The following MEI4 variants were observed in gnomAD, a reference collection of about 807,000 sequenced individuals.
MEI4 encodes the protein meiosis-specific protein MEI4.
A neutral mutation model predicts 31.4 loss-of-function variants in MEI4; 27 were observed. That is an observed-to-expected ratio of 0.86 (90% CI 0.63 to 1.19). MEI4 has a LOEUF of 1.19. MEI4 is among the 50% of genes most tolerant of loss of function. The pLI, the probability that MEI4 is intolerant of heterozygous loss-of-function variation, is 0.00. For missense variants in MEI4, 329 were observed against 398.9 expected (o/e 0.82, Z 1.49); for synonymous variants, 122 against 145.4 (o/e 0.84, Z 1.16).
chr6:77,919,995 T>C (rs1439886692), intron 4 of MEI4, among the ~76,000 whole-genome samples: 2 of 147,358 alleles, frequency 1.4e-5, no homozygotes, highest in African/African-American at 5.0e-5. Flanking sequence ...GCTGAAATTG[T>C]GGCAATAATC....
chr6:77,743,513 G>C (rs535597698), intron 2 of MEI4, among the ~76,000 whole-genome samples: 4 of 152,128 alleles, frequency 2.6e-5, no homozygotes, highest in Non-Finnish European at 5.9e-5. Flanking sequence ...AGCTTAAGGA[G>C]ATTTTGGGCT....
chr6:77,834,110 A>G lies in MEI4; in HGVS notation c.900+5048A>G, dbSNP rs888272841. On this transcript the variant is annotated intron_variant, in intron 4 of 4. Transcript: ENST00000684080. ...CCATTAAAACAAAACAAAACCAAAA[A>G]AATAAGTACCAGCAGCTGCTTCATC... Among the ~76,000 whole-genome samples, 37 of 152,112 alleles carry G rather than the reference A, an allele frequency of 2.4e-4. 1 individual carries two copies. The highest frequency in any genetic ancestry group is 2.4e-3 in the Admixed American group (37 of 15,260).
intron 4 of MEI4, among the ~76,000 whole-genome samples, chr6:77,856,079 C>G (rs1770740070): frequency 6.6e-6 from 1 of 152,092 alleles, no homozygotes; most frequent in African/African-American, 2.4e-5. Context: ...CCAGAATGCT[C>G]TATCAAAAAC....
intron 2 of MEI4, among the ~76,000 whole-genome samples, chr6:77,734,995 G>A (rs1388229776): frequency 5.9e-5 from 9 of 152,090 alleles, no homozygotes; most frequent in Admixed American, 1.3e-4. Flanking sequence ...GGTTTCTGCC[G>A]AGAGATCCGC....
chr6:77,741,412 G>T (rs1767396542), intron 2 of MEI4, among the ~76,000 whole-genome samples: 3 of 152,056 alleles, frequency 2.0e-5, no homozygotes. Flanking sequence ...GCCTAGAGGA[G>T]AACAGAACCA....
chr6:77,740,404 T>G (rs1463704026), intron 2 of MEI4, among the ~76,000 whole-genome samples: 1 of 152,208 alleles, frequency 6.6e-6, no homozygotes, highest in Non-Finnish European at 1.5e-5. Flanking sequence ...ATACTGTCAG[T>G]GGGGTGCTGA....
chr6:77,921,560 T>C (rs1322018971), intron 4 of MEI4, among the ~76,000 whole-genome samples: 1 of 151,866 alleles, frequency 6.6e-6, no homozygotes, highest in African/African-American at 2.4e-5. Flanking sequence ...TACAACTTGG[T>C]TAACTTTGGC....
intron 1 of MEI4, among the ~76,000 whole-genome samples, chr6:77,656,255 G>T (rs1052913786): frequency 6.6e-6 from 1 of 152,038 alleles, no homozygotes; most frequent in African/African-American, 2.4e-5. Context: ...ATAATTGTTA[G>T]AAAATATATT....
At chr6:77,788,620 G>T (rs536678125) in intron 3 of MEI4, among the ~76,000 whole-genome samples, 12 of 152,138 alleles carry the variant, frequency 7.9e-5, no homozygotes, top group South Asian at 2.1e-4. Context: ...CAGACAAACA[G>T]AGAGCCGAAT....
At chr6:77,749,828 AAGGTTG>A (rs1767720411) in intron 2 of MEI4, among the ~76,000 whole-genome samples, 3 of 152,164 alleles carry the variant, frequency 2.0e-5, no homozygotes, top group Non-Finnish European at 4.4e-5. Flanking sequence ...CAGATTCACC[AAGGTTG>A]AAATGAGGGA....
intron 4 of MEI4, among the ~76,000 whole-genome samples, chr6:77,918,125 A>C (rs1188555490): frequency 6.7e-6 from 1 of 149,702 alleles, no homozygotes; most frequent in African/African-American, 2.4e-5. Flanking sequence ...CCATTGATCT[A>C]TATCTCTGTT....
chr6:77,674,931 A>G (rs1302527673), intron 1 of MEI4, among the ~76,000 whole-genome samples: 4 of 152,174 alleles, frequency 2.6e-5, no homozygotes, highest in African/African-American at 9.6e-5. Context: ...TACCTAAATT[A>G]TATGCATTTT....
intron 4 of MEI4, among the ~76,000 whole-genome samples, chr6:77,841,213 A>G (rs931535650): frequency 6.6e-6 from 1 of 150,660 alleles, no homozygotes; most frequent in Non-Finnish European, 1.5e-5. Flanking sequence ...GATAACTAAA[A>G]TATAAAGTTA....
intron 1 of MEI4, among the ~76,000 whole-genome samples, chr6:77,679,147 A>G (rs1288619078): frequency 6.6e-6 from 1 of 152,200 alleles, no homozygotes; most frequent in East Asian, 1.9e-4. Flanking sequence ...CATTGAAGAA[A>G]GAAAAAATTT....
At chr6:77,830,038 G>T (rs1770041661) in intron 4 of MEI4, among the ~76,000 whole-genome samples, 1 of 151,972 alleles carries the variant, frequency 6.6e-6, no homozygotes, top group Non-Finnish European at 1.5e-5. Context: ...GGAGTAAAAA[G>T]TAAGCTATAT....
At chr6:77,875,040 C>T (rs145901098) in intron 4 of MEI4, among the ~76,000 whole-genome samples, 5 of 152,152 alleles carry the variant, frequency 3.3e-5, no homozygotes, top group Non-Finnish European at 5.9e-5. Context: ...GTACATGGAC[C>T]TGGTCATCTA....
At chr6:77,795,559 A>AAAG (rs10646160) in intron 3 of MEI4, among the ~76,000 whole-genome samples, 83,192 of 151,584 alleles carry the variant, frequency 0.55, 24,992 homozygotes, top group African/African-American at 0.79. Flanking sequence ...AGAAGTGAAA[A>AAAG]AATATTCAAA....
intron 2 of MEI4, among the ~76,000 whole-genome samples, chr6:77,700,262 T>C (rs1766184771): frequency 6.6e-6 from 1 of 152,194 alleles, no homozygotes; most frequent in African/African-American, 2.4e-5. Context: ...GCTTCCCAGC[T>C]GCTTTGTTTA....
intron 3 of MEI4, among the ~76,000 whole-genome samples, chr6:77,822,205 G>A (rs1562002280): frequency 1.3e-5 from 2 of 152,188 alleles, no homozygotes; most frequent in Non-Finnish European, 2.9e-5. Context: ...AAGGTTGGTT[G>A]ATTGTCCAGT....
Sources: allele counts gnomAD v4.1 joint callset (sites outside exome capture counted in the v4.1 genomes callset), GRCh38; gene constraint gnomAD v4.1.1; transcripts MANE v1.5; gene names NCBI Gene and HGNC (gene_info 2026-07-23, HGNC 2026-07-21).